The following PLEKHA7 variants were observed in gnomAD, a reference collection of about 807,000 sequenced individuals.
PLEKHA7 encodes the protein pleckstrin homology domain containing A7.
A neutral mutation model predicts 170.0 loss-of-function variants in PLEKHA7; 104 were observed. The ratio of observed to expected loss-of-function variants is 0.61; its 90% confidence interval spans 0.52 to 0.72. The LOEUF is 0.72. Among genes scored for constraint, PLEKHA7 ranks in the 30% least tolerant of loss-of-function variants. The pLI is 0.00. For synonymous variants in PLEKHA7, 648 were observed against 660.8 expected, an observed-to-expected ratio of 0.98 and a Z score of 0.30; for missense variants, 1,615 against 1,671.7, an observed-to-expected ratio of 0.97 and a Z score of 0.59.
chr11:16,780,359 G>A (rs981102026), intron 26 of PLEKHA7, among the ~76,000 whole-genome samples: 2 of 152,166 alleles, frequency 1.3e-5, no homozygotes, highest in Admixed American at 6.5e-5. Flanking sequence ...CCTGGCTGAG[G>A]GCCAATTTCA....
At chr11:16,783,658 G>C in intron 25 of PLEKHA7, 42 bp downstream of exon 25, 1 of 1,362,742 alleles carries the variant, frequency 7.3e-7, no homozygotes. Flanking sequence ...CGCCACCTGG[G>C]GTCAGGGTGA....
intron 3 of PLEKHA7, among the ~76,000 whole-genome samples, chr11:16,880,872 G>T (rs1450581137): frequency 3.3e-5 from 5 of 152,220 alleles, no homozygotes; most frequent in African/African-American, 1.2e-4. Flanking sequence ...AGCAGGAGAT[G>T]TTTCCAGGAT....
chr11:16,905,348 G>C (rs1443353012), intron 3 of PLEKHA7, among the ~76,000 whole-genome samples: 2 of 152,018 alleles, frequency 1.3e-5, no homozygotes, highest in African/African-American at 2.4e-5. Flanking sequence ...AGTGAATATG[G>C]CTGTTTTTCC....
In PLEKHA7 at chr11:16,801,731, G is replaced by A. The variant is rs1462341697; in HGVS notation, c.2244C>T (p.Tyr748=). 3 of 1,614,144 alleles carry A rather than the reference G, an allele frequency of 1.9e-6. No individual in the cohort carries two copies. Among genetic ancestry groups the A allele is most frequent in the Non-Finnish European group, 2.5e-6 (3 of 1,180,030 alleles). The part of the protein sequence containing the change: ...DQPQHLEKIA[Y]QQKLLQEDLV... ...GGTCCTCCTGCAGCAACTTCTGCTG[G>A]TAGGCAATCTTCTCCAAGTGCTGGG... The change falls in exon 16 of 27, where the codon TAC becomes TAT. Residue 748 remains tyrosine (Y), a synonymous_variant. Coordinates refer to ENST00000531066, the MANE Select transcript of PLEKHA7 (RefSeq NM_001329630.2).
chr11:16,985,591 A>C (rs1402479582), intron 3 of PLEKHA7, among the ~76,000 whole-genome samples: 1 of 152,252 alleles, frequency 6.6e-6, no homozygotes, highest in Non-Finnish European at 1.5e-5. Context: ...GGGGCAGGGA[A>C]GGCGGAACCA....
chr11:17,013,491 T>TC (rs1480561021), intron 3 of PLEKHA7: 1 of 155,986 alleles, frequency 6.4e-6, no homozygotes, highest in Admixed American at 6.5e-5. Flanking sequence ...GTTCCGACTC[T>TC]CCAAGACCAT....
Position 16,851,394 on chromosome 11 carries a change from T to A in PLEKHA7, c.596-103A>T, listed in dbSNP as rs570374584. 5.8e-6 allele frequency: 4 copies of A among 687,776 alleles called. No individual in the cohort carries two copies. The South Asian group carries it at 9.6e-5, about 16-fold the overall frequency. 42.6% of individuals were successfully genotyped at this position (687,776 alleles called of 1,614,324 possible). A position where few individuals can be genotyped will look rare whatever the true frequency, so the allele number is the denominator to read the frequency against. On this transcript the variant is annotated intron_variant, in intron 7 of 26. Transcript: ENST00000531066. ...TCAGCCAAGTTGTTTCCTCCCCTTG[T>A]AATGTCCATCCTCCCACAACCCACA...
intron 3 of PLEKHA7, among the ~76,000 whole-genome samples, chr11:16,891,958 C>CCCT (rs1856645682): frequency 6.6e-6 from 1 of 152,210 alleles, no homozygotes; most frequent in South Asian, 2.1e-4. Context: ...CATGATTGAA[C>CCCT]TAGGATCAGT....
At chr11:16,782,056 G>C (rs1432397998) in intron 26 of PLEKHA7, among the ~76,000 whole-genome samples, 2 of 151,936 alleles carry the variant, frequency 1.3e-5, no homozygotes, top group African/African-American at 2.4e-5. Context: ...CTGAGAGAAA[G>C]AGCAGCCCTT....
At chr11:16,953,034 C>A (rs77535994) in intron 3 of PLEKHA7, among the ~76,000 whole-genome samples, 6,037 of 152,306 alleles carry the variant, frequency 0.04, 324 homozygotes, top group Admixed American at 0.14. Flanking sequence ...AGGGGTCAGC[C>A]CAAGATTTGG....
intron 9 of PLEKHA7, among the ~76,000 whole-genome samples, chr11:16,829,770 G>A (rs10832690): frequency 0.46 from 70,216 of 151,984 alleles, 17,944 homozygotes; most frequent in East Asian, 0.71. Flanking sequence ...GCAAGACTCC[G>A]CCTCAAAAAA....
intron 3 of PLEKHA7, among the ~76,000 whole-genome samples, chr11:16,906,332 C>CCCTCCTCTCCCTCTCCCT (rs370759025): frequency 7.4e-6 from 1 of 134,606 alleles, no homozygotes; most frequent in Non-Finnish European, 1.6e-5. Context: ...CTCTCACTCT[C>CCCTCCTCTCCCTCTCCCT]CCTCTCCCTC....
At chr11:16,927,502 C>T (rs1859644384) in intron 3 of PLEKHA7, among the ~76,000 whole-genome samples, 1 of 152,146 alleles carries the variant, frequency 6.6e-6, no homozygotes, top group Non-Finnish European at 1.5e-5. Flanking sequence ...CACTTATCAT[C>T]TCTAGCCTCG....
chr11:16,926,317 T>TC (rs1370468120), intron 3 of PLEKHA7, among the ~76,000 whole-genome samples: 1 of 152,148 alleles, frequency 6.6e-6, no homozygotes, highest in Non-Finnish European at 1.5e-5. Context: ...CTCAATGCCC[T>TC]TGGCAATAAG....
At chr11:16,824,066 A>G (rs1850444964) in intron 10 of PLEKHA7, among the ~76,000 whole-genome samples, 1 of 152,188 alleles carries the variant, frequency 6.6e-6, no homozygotes, top group African/African-American at 2.4e-5. Flanking sequence ...AAACAATTGA[A>G]CTCATGGAGA....
At chr11:16,802,405 G>C (rs1459650504) in intron 15 of PLEKHA7, among the ~76,000 whole-genome samples, 1 of 152,088 alleles carries the variant, frequency 6.6e-6, no homozygotes, top group East Asian at 1.9e-4. Flanking sequence ...AGGGACCTGG[G>C]GTCATCACAT....
At chr11:16,818,243 C>T (rs1216640410) in intron 10 of PLEKHA7, among the ~76,000 whole-genome samples, 2 of 152,228 alleles carry the variant, frequency 1.3e-5, no homozygotes, top group African/African-American at 4.8e-5. Context: ...TCTGACCTTC[C>T]GTTTCCTTAC....
At chr11:16,810,473 T>C (rs964596131) in intron 13 of PLEKHA7, among the ~76,000 whole-genome samples, 1 of 152,226 alleles carries the variant, frequency 6.6e-6, no homozygotes, top group Admixed American at 6.5e-5. Context: ...GTTTCTCGCA[T>C]GTGGCTGCTG....
intron 4 of PLEKHA7, among the ~76,000 whole-genome samples, chr11:16,858,105 T>C (rs1853620340): frequency 6.6e-6 from 1 of 152,206 alleles, no homozygotes; most frequent in Non-Finnish European, 1.5e-5. Flanking sequence ...AAGAAAAAAC[T>C]GAGAGAAAAA....
Sources: allele counts gnomAD v4.1 joint callset (sites outside exome capture counted in the v4.1 genomes callset), GRCh38; gene constraint gnomAD v4.1.1; transcripts MANE v1.5; gene names NCBI Gene and HGNC (gene_info 2026-07-23, HGNC 2026-07-21).